Variants in COL4A2 observed in about 807,000 individuals in gnomAD.
COL4A2 encodes the protein collagen type IV alpha 2 chain.
COL4A2 carries 99 observed loss-of-function variants against 200.2 expected under a neutral mutation model. The ratio of observed to expected loss-of-function variants is 0.49; its 90% confidence interval spans 0.42 to 0.58. COL4A2 has a LOEUF of 0.58. COL4A2 is among the 20% of genes least tolerant of loss of function. The pLI, the probability that COL4A2 is intolerant of heterozygous loss-of-function variation, is 0.00. For synonymous variants in COL4A2, 897 were observed against 900.6 expected (o/e 1.00, Z 0.07); for missense variants, 1,950 against 2,314.1 (o/e 0.84, Z 3.23).
At chr13:110,488,038 G>C (rs1254602550) in intron 34 of COL4A2, among the ~76,000 whole-genome samples, 2 of 152,068 alleles carry the variant, frequency 1.3e-5, no homozygotes, top group East Asian at 3.9e-4. Flanking sequence ...GTTTTGTTTT[G>C]TTTTTTGAGA....
At chr13:110,504,600 T>C (rs538177710) in intron 45 of COL4A2, among the ~76,000 whole-genome samples, 1 of 152,338 alleles carries the variant, frequency 6.6e-6, no homozygotes, top group East Asian at 1.9e-4. Context: ...TGCGAAGCCC[T>C]GTCTTACTTT....
At chr13:110,492,002 C>G in intron 37 of COL4A2, 68 bp from the exon 38 acceptor site, 1 of 1,407,898 alleles carries the variant, frequency 7.1e-7, no homozygotes, top group Non-Finnish European at 9.6e-7. Flanking sequence ...GCCCCTCCTG[C>G]CAGGACCTCA....
At chr13:110,481,648 T>C (rs61970298) in intron 31 of COL4A2, among the ~76,000 whole-genome samples, 3,636 of 11,388 alleles carry the variant, frequency 0.32, 26 homozygotes, top group Non-Finnish European at 0.36. Flanking sequence ...TGTTCTGTCC[T>C]TCCGTTGCTG....
At chr13:110,407,940 A>G (rs1313219429) in intron 4 of COL4A2, among the ~76,000 whole-genome samples, 2 of 152,160 alleles carry the variant, frequency 1.3e-5, no homozygotes, top group African/African-American at 4.8e-5. Flanking sequence ...GAAATGAGGT[A>G]AGAAGTTCAA....
chr13:110,366,859 C>T (rs1370841462), intron 4 of COL4A2, among the ~76,000 whole-genome samples: 1 of 152,176 alleles, frequency 6.6e-6, no homozygotes, highest in Non-Finnish European at 1.5e-5. Context: ...GCTGGTCAAC[C>T]TGAGGCCCTG....
intron 10 of COL4A2, among the ~76,000 whole-genome samples, 168 bp from the exon 11 acceptor site, chr13:110,432,157 T>G (rs1880706606): frequency 6.6e-6 from 1 of 152,140 alleles, no homozygotes; most frequent in Non-Finnish European, 1.5e-5. Flanking sequence ...CCCGAGTCCC[T>G]CTCCCCCAGC....
At chr13:110,432,225 C>T in intron 10 of COL4A2, 100 bp from the exon 11 acceptor site, 1 of 1,410,590 alleles carries the variant, frequency 7.1e-7, no homozygotes, top group Non-Finnish European at 9.3e-7. Flanking sequence ...ACACTGTGTC[C>T]TAAATATACA....
chr13:110,511,816 T>C, intron 47 of COL4A2, 118 bp from the exon 48 acceptor site: 1 of 1,509,790 alleles, frequency 6.6e-7, no homozygotes, highest in East Asian at 2.4e-5. Flanking sequence ...CATGTCCGTA[T>C]TGACACTCAT....
chr13:110,449,324 G>GAGA (rs10629024), intron 18 of COL4A2, among the ~76,000 whole-genome samples: 42,943 of 151,950 alleles, frequency 0.28, 7,006 homozygotes, highest in Non-Finnish European at 0.37. Flanking sequence ...AGACAGGGAT[G>GAGA]AGAAGAGCCT....
chr13:110,415,759 G>T (rs976333945), intron 4 of COL4A2, among the ~76,000 whole-genome samples: 2 of 152,290 alleles, frequency 1.3e-5, no homozygotes, highest in Admixed American at 6.5e-5. Flanking sequence ...TCAACTCACC[G>T]GGAGCCCGCC....
intron 4 of COL4A2, among the ~76,000 whole-genome samples, chr13:110,372,162 C>T (rs1878040681): frequency 6.6e-6 from 1 of 152,182 alleles, no homozygotes; most frequent in East Asian, 1.9e-4. Context: ...ATCCCATTGT[C>T]TTCAGAGCCC....
At chr13:110,420,340 T>C (rs1880199556) in intron 4 of COL4A2, among the ~76,000 whole-genome samples, 1 of 152,188 alleles carries the variant, frequency 6.6e-6, no homozygotes, top group Non-Finnish European at 1.5e-5. Context: ...TCTCAAAAGA[T>C]AGAAGCAGTT....
At chr13:110,403,128 C>G (rs1316007294) in intron 4 of COL4A2, among the ~76,000 whole-genome samples, 1 of 152,204 alleles carries the variant, frequency 6.6e-6, no homozygotes, top group African/African-American at 2.4e-5. Flanking sequence ...CAGCATCTGG[C>G]TTCCCTCTAC....
chr13:110,351,482 C>T (rs1294529760), intron 3 of COL4A2, among the ~76,000 whole-genome samples: 4 of 152,216 alleles, frequency 2.6e-5, no homozygotes, highest in Non-Finnish European at 5.9e-5. Flanking sequence ...TCCTTCATCT[C>T]TTCCTTGCAG....
intron 3 of COL4A2, among the ~76,000 whole-genome samples, chr13:110,310,040 C>T (rs1884930216): frequency 6.6e-6 from 1 of 152,168 alleles, no homozygotes; most frequent in Non-Finnish European, 1.5e-5. Flanking sequence ...CATAGCTCTG[C>T]CCTAATCTCT....
chr13:110,493,351 T>A, intron 39 of COL4A2, 69 bp downstream of exon 39: 1 of 1,524,482 alleles, frequency 6.6e-7, no homozygotes, highest in Non-Finnish European at 9.1e-7. Flanking sequence ...GTGCTGAGTC[T>A]GCCCTCCAGA....
intron 29 of COL4A2, 28 bp downstream of exon 29, chr13:110,473,178 C>G: frequency 6.5e-7 from 1 of 1,546,262 alleles, no homozygotes. Context: ...GAGCCGGGGG[C>G]CCCATCCCAG....
At chr13:110,318,588 G>T (rs1246372189) in intron 3 of COL4A2, among the ~76,000 whole-genome samples, 1 of 152,226 alleles carries the variant, frequency 6.6e-6, no homozygotes, top group African/African-American at 2.4e-5. Flanking sequence ...TCTTGGGTTC[G>T]AAACTGCTGT....
intron 4 of COL4A2, among the ~76,000 whole-genome samples, chr13:110,400,964 A>G (rs1879353068): frequency 6.6e-6 from 1 of 152,226 alleles, no homozygotes; most frequent in South Asian, 2.1e-4. Context: ...TTGCCTCCTA[A>G]CAGAAAACAT....
Sources: allele counts gnomAD v4.1 joint callset (sites outside exome capture counted in the v4.1 genomes callset), GRCh38; gene constraint gnomAD v4.1.1; transcripts MANE v1.5; gene names NCBI Gene and HGNC (gene_info 2026-07-23, HGNC 2026-07-21).